The following RASAL1 variants were observed in gnomAD, a reference collection of about 807,000 sequenced individuals.
RASAL1 encodes RAS protein activator like 1.
RASAL1 carries 72 observed loss-of-function variants against 96.6 expected under a neutral mutation model. The observed-to-expected ratio is 0.75, with a 90% CI of 0.62 to 0.91. The LOEUF is 0.91. RASAL1 is among the 40% of genes least tolerant of loss of function. The pLI, the probability that RASAL1 is intolerant of heterozygous loss-of-function variation, is 0.00. For missense variants in RASAL1, 1,016 were observed against 1,072.5 expected, an observed-to-expected ratio of 0.95 and a Z score of 0.74; for synonymous variants, 405 against 430.4, an observed-to-expected ratio of 0.94 and a Z score of 0.73.
chr12:113,119,184 G>A lies in RASAL1; in HGVS notation c.586C>T (p.Leu196=). ...TCCCAGTCCCAGAGCTCCACCCGCA[G>A]TGGGGACGGGGCACCTGGCATCTCC... ...LREMPGAPSP[L]RVELWDWDMV... Residue 196 remains leucine (L), a synonymous_variant, in exon 7 of 21, where the codon CTG becomes TTG. Transcript: ENST00000548055. 1 of 1,614,026 alleles carries A rather than the reference G, an allele frequency of 6.2e-7. No homozygotes were observed. Among genetic ancestry groups the A allele is most frequent in the Non-Finnish European group, 8.5e-7 (1 of 1,179,922 alleles).
intron 19 of RASAL1, 66 bp downstream of exon 19, chr12:113,101,823 A>G: frequency 6.4e-7 from 1 of 1,566,674 alleles, no homozygotes; most frequent in Non-Finnish European, 8.7e-7. Context: ...GGACACAGCA[A>G]GGCCACGGTG....
At chr12:113,113,813 G>A (rs1473758047) in intron 12 of RASAL1, among the ~76,000 whole-genome samples, 4 of 152,174 alleles carry the variant, frequency 2.6e-5, no homozygotes, top group Non-Finnish European at 4.4e-5. Context: ...AGGAGCCCAC[G>A]GAGGGGTGGA....
rs1416797127 is a variant in RASAL1, at chr12:113,119,161, C to T, written c.609G>A (p.Trp203Ter). The change falls in exon 7 of 21, where the codon TGG becomes TGA. Residue 203 changes from tryptophan to a stop codon, truncating the protein, a stop_gained. Coordinates refer to ENST00000548055, the MANE Select transcript of RASAL1 (RefSeq NM_001301202.2). LOFTEE classifies it high-confidence loss of function. ...AGAAGTCATTCTTGCCCACCATGTC[C>T]CAGTCCCAGAGCTCCACCCGCAGTG... ...PSPLRVELWD[W>*]DMVGKNDFLG... The T allele has an allele frequency of 1.2e-6, 2 of 1,613,402 alleles. No individual in the cohort carries two copies. The highest frequency in any genetic ancestry group is 3.3e-5 in the Admixed American group (2 of 59,966).
chr12:113,132,356 T>TC (rs1015299605), intron 1 of RASAL1, among the ~76,000 whole-genome samples: 33 of 152,114 alleles, frequency 2.2e-4, no homozygotes, highest in Non-Finnish European at 4.3e-4. Flanking sequence ...AGAGTCTGTG[T>TC]CCCCCACTTC....
At chr12:113,131,005 A>T in intron 1 of RASAL1, 64 bp from the exon 2 acceptor site, 1 of 1,293,174 alleles carries the variant, frequency 7.7e-7, no homozygotes, top group Non-Finnish European at 1.1e-6. Flanking sequence ...GGAGGGTCCC[A>T]GTCATGACAC....
intron 4 of RASAL1, among the ~76,000 whole-genome samples, chr12:113,125,167 G>C (rs149869393): frequency 2.0e-5 from 3 of 151,630 alleles, no homozygotes; most frequent in Non-Finnish European, 2.9e-5. Flanking sequence ...AATGTTAGAA[G>C]GAATTATGTT....
chr12:113,103,207 T>G (rs1218176093), intron 18 of RASAL1: 1 of 149,152 alleles, frequency 6.7e-6, no homozygotes, highest in Non-Finnish European at 1.5e-5. Flanking sequence ...TTTATATATA[T>G]TATATATTAT....
Position 113,100,044 on chromosome 12 carries a change from C to T in RASAL1, c.2303G>A (p.Arg768Gln), listed in dbSNP as rs1031953615. ...DTGACPEVLA[R>Q]QRAATARLLE... ...CAGGCGGGCAGTTGCTGCTCTTTGC[C>T]GGGCCAGGACCTCAGGACAGGCCCC... The change falls in exon 21 of 21, where the codon CGG (arginine) becomes CAG (glutamine). Residue 768 changes from arginine to glutamine, a missense_variant. By Grantham distance (43) the Arg-to-Gln change is conservative (BLOSUM62 1). Transcript: ENST00000548055. 3.5e-5 allele frequency: 57 copies of T among 1,611,708 alleles called. No homozygotes were observed. Among genetic ancestry groups the T allele is most frequent in the Non-Finnish European group, 3.3e-5 (39 of 1,178,874 alleles).
At chr12:113,124,401 A>G (rs1211440128) in intron 4 of RASAL1, among the ~76,000 whole-genome samples, 1 of 152,122 alleles carries the variant, frequency 6.6e-6, no homozygotes, top group Non-Finnish European at 1.5e-5. Context: ...CATTTCCGCC[A>G]CATGCTTGCA....
chr12:113,105,937 C>G (rs952389575), intron 15 of RASAL1, 51 bp from the exon 16 acceptor site: 2 of 1,545,588 alleles, frequency 1.3e-6, no homozygotes, highest in Non-Finnish European at 8.8e-7. Context: ...CCTAACCAGG[C>G]TCACCTTGCT....
chr12:113,109,043 G>T (rs1356656383), intron 13 of RASAL1, among the ~76,000 whole-genome samples: 3 of 134,256 alleles, frequency 2.2e-5, no homozygotes, highest in African/African-American at 8.1e-5. Context: ...TTTTGTGTGT[G>T]TTTTTTTTTT....
chr12:113,105,996 C>G, intron 15 of RASAL1, 110 bp from the exon 16 acceptor site: 1 of 1,177,298 alleles, frequency 8.5e-7, no homozygotes, highest in Non-Finnish European at 1.2e-6. Context: ...TGGTTCTCTG[C>G]TCCCCTAGAG....
At chr12:113,101,633 T>C (rs1950446520) in intron 19 of RASAL1, among the ~76,000 whole-genome samples, 1 of 144,008 alleles carries the variant, frequency 6.9e-6, no homozygotes. Flanking sequence ...GGATTTTATG[T>C]GAATTGTGCC....
rs140221973 is a variant in RASAL1, at chr12:113,115,657, G to A, written c.981C>T (p.Thr327=). The A allele has an allele frequency of 7.4e-5, 120 of 1,613,694 alleles. No homozygotes were observed. The African/African-American group carries it at 1.0e-3, about 13-fold the overall frequency. The change falls in exon 10 of 21, where the codon ACC becomes ACT. Residue 327 remains threonine (T), a synonymous_variant. Coordinates refer to ENST00000548055, the MANE Select transcript of RASAL1 (RefSeq NM_001301202.2). This position sits in a 1 kb window ranked among gnomAD's most constrained non-coding sequence, Gnocchi z 4.1. ...GLAGRFLDYL[T]RREVARTMDP... Reference sequence around the variant, plus strand: ...CACTGGTCCGAGCCACCTCACGCCGGGTGAGATAGTCCAGAAAGCGCCCAG... The same window carrying A: ...CACTGGTCCGAGCCACCTCACGCCGAGTGAGATAGTCCAGAAAGCGCCCAG...
At chr12:113,110,825 G>C (rs1485965336) in intron 13 of RASAL1, among the ~76,000 whole-genome samples, 1 of 152,214 alleles carries the variant, frequency 6.6e-6, no homozygotes, top group Non-Finnish European at 1.5e-5. Context: ...GCTGAGGTGG[G>C]AAGATCACTC....
rs1287978130 is a variant in RASAL1 at position 113,117,102 on chromosome 12, C to A, written c.702G>T (p.Leu234=). The A allele has an allele frequency of 1.9e-6, 3 of 1,610,022 alleles. No individual in the cohort carries two copies. Among genetic ancestry groups the A allele is most frequent in the African/African-American group, 1.3e-5 (1 of 74,820 alleles). ...AATCCTCCTCGGCTCTGGGAAAGGG[C>A]AGGAGGCGGAACCAGCCTTTAGGTG... ...QKPPKGWFRL[L]PFPRAEEDSG... Residue 234 remains leucine (L), a synonymous_variant, in exon 8 of 21, where the codon CTG becomes CTT. Coordinates refer to ENST00000548055, the MANE Select transcript of RASAL1 (RefSeq NM_001301202.2).
At chr12:113,116,789 T>C (rs1017967155) in intron 8 of RASAL1, among the ~76,000 whole-genome samples, 2 of 152,284 alleles carry the variant, frequency 1.3e-5, no homozygotes, top group Admixed American at 1.3e-4. Context: ...AACAAGTGTG[T>C]TCAAGAATGA....
rs563988431 is a variant in RASAL1 at position 113,121,867 on chromosome 12, G to A, written c.299-229C>T. ...CTCCCGACCAGCTGGGACTTTAGGC[G>A]TGCACCACCATGCCTGGATAATTTT... is the stretch of plus-strand genomic sequence containing the variant. On this transcript the variant is annotated intron_variant, in intron 4 of 20. Transcript: ENST00000548055. Among the ~76,000 whole-genome samples, 8 of 151,996 alleles carry A rather than the reference G, an allele frequency of 5.3e-5. No homozygotes were observed. In the South Asian group the frequency reaches 1.3e-3, roughly 24 times the overall value.
chr12:113,120,273 C>A (rs1951245649), intron 5 of RASAL1, among the ~76,000 whole-genome samples: 1 of 152,172 alleles, frequency 6.6e-6, no homozygotes, highest in South Asian at 2.1e-4. Context: ...AGCAATCAGT[C>A]CCTCTCATGC....
Sources: allele counts gnomAD v4.1 joint callset (sites outside exome capture counted in the v4.1 genomes callset), GRCh38; gene constraint gnomAD v4.1.1; non-coding constraint Gnocchi (gnomAD v3.1); transcripts MANE v1.5; gene names NCBI Gene and HGNC (gene_info 2026-07-23, HGNC 2026-07-21).